The following ASTN2 variants were observed in gnomAD, a reference collection of about 807,000 sequenced individuals.
ASTN2 encodes astrotactin-2.
Under a neutral mutation model 139.8 loss-of-function variants are expected in ASTN2, and 54 were observed. That is an observed-to-expected ratio of 0.39 (90% confidence interval 0.31 to 0.48). The LOEUF is 0.48. Among genes scored for constraint, ASTN2 ranks in the 20% least tolerant of loss-of-function variants. ASTN2 has a pLI of 0.95. For missense variants in ASTN2, 1,565 were observed against 1,725.1 expected, an observed-to-expected ratio of 0.91 and a Z score of 1.64; for synonymous variants, 756 against 719.5, an observed-to-expected ratio of 1.05 and a Z score of -0.81.
intron 6 of ASTN2, among the ~76,000 whole-genome samples, chr9:117,011,751 A>G (rs1219707061): frequency 2.0e-5 from 3 of 152,222 alleles, no homozygotes; most frequent in African/African-American, 7.2e-5. Context: ...CCAATTGAAC[A>G]TGAGGTTCAG....
intron 20 of ASTN2, among the ~76,000 whole-genome samples, chr9:116,463,158 C>T (rs1848544285): frequency 6.6e-6 from 1 of 152,146 alleles, no homozygotes; most frequent in Admixed American, 6.6e-5. Flanking sequence ...TCCATTGCAA[C>T]TGCTCTAGTT....
intron 6 of ASTN2, among the ~76,000 whole-genome samples, chr9:117,039,166 T>C (rs775103764): frequency 2.6e-5 from 4 of 152,218 alleles, no homozygotes; most frequent in Non-Finnish European, 4.4e-5. Flanking sequence ...TTTTTAAAAC[T>C]TTATCGTTGC....
intron 16 of ASTN2, among the ~76,000 whole-genome samples, chr9:116,682,153 T>C (rs928483946): frequency 1.8e-4 from 27 of 152,022 alleles, no homozygotes; most frequent in African/African-American, 5.8e-4. Context: ...ATCCAGAATC[T>C]ACAATGAACT....
intron 19 of ASTN2, among the ~76,000 whole-genome samples, chr9:116,539,748 A>G (rs988765348): frequency 3.3e-5 from 5 of 152,246 alleles, no homozygotes; most frequent in African/African-American, 1.2e-4. Flanking sequence ...GCAAGATTTC[A>G]TCACACTGCT....
At chr9:117,410,375 T>C (rs1831127282) in intron 1 of ASTN2, among the ~76,000 whole-genome samples, 1 of 152,104 alleles carries the variant, frequency 6.6e-6, no homozygotes, top group African/African-American at 2.4e-5. Flanking sequence ...AATTCTTTCT[T>C]TTCTATCAGT....
chr9:116,910,937 A>G (rs1834293078), intron 10 of ASTN2, among the ~76,000 whole-genome samples: 1 of 152,172 alleles, frequency 6.6e-6, no homozygotes, highest in African/African-American at 2.4e-5. Flanking sequence ...GAGCAGCTCA[A>G]AGACGGCTTG....
At chr9:116,930,671 G>C (rs1308311372) in intron 10 of ASTN2, among the ~76,000 whole-genome samples, 6 of 152,104 alleles carry the variant, frequency 3.9e-5, no homozygotes, top group Admixed American at 2.0e-4. Context: ...CAAAGCAAAA[G>C]CTCAGTAGAA....
intron 1 of ASTN2, among the ~76,000 whole-genome samples, chr9:117,399,164 T>C (rs145806514): frequency 1.3e-5 from 2 of 152,330 alleles, no homozygotes; most frequent in East Asian, 3.9e-4. Context: ...AGAGAAATGA[T>C]GTTTAACTTA....
chr9:117,280,911 T>A (rs887342868), intron 2 of ASTN2, among the ~76,000 whole-genome samples: 1 of 152,184 alleles, frequency 6.6e-6, no homozygotes, highest in African/African-American at 2.4e-5. Context: ...GTGGATCTTG[T>A]CAGTAGTAAT....
intron 19 of ASTN2, among the ~76,000 whole-genome samples, chr9:116,587,179 A>G (rs1211988953): frequency 6.6e-6 from 1 of 151,924 alleles, no homozygotes; most frequent in African/African-American, 2.4e-5. Context: ...CATCTCTACT[A>G]AAAATACAAA....
chr9:116,910,359 C>G (rs1834277206), intron 10 of ASTN2, among the ~76,000 whole-genome samples: 2 of 152,234 alleles, frequency 1.3e-5, no homozygotes, highest in South Asian at 4.1e-4. Flanking sequence ...AGGGGACTGT[C>G]CCACGCGTGA....
At chr9:117,008,316 G>C in intron 6 of ASTN2, 57 bp from the exon 7 acceptor site, 3 of 1,459,912 alleles carry the variant, frequency 2.1e-6, no homozygotes, top group Non-Finnish European at 2.8e-6. Context: ...CTTAGCTGAT[G>C]CTACAGAACA....
intron 16 of ASTN2, among the ~76,000 whole-genome samples, chr9:116,714,156 G>T (rs555228361): frequency 6.6e-6 from 1 of 152,140 alleles, no homozygotes; most frequent in Non-Finnish European, 1.5e-5. Context: ...ATATAAGCTT[G>T]GTGTTCAGCT....
intron 19 of ASTN2, among the ~76,000 whole-genome samples, chr9:116,499,109 C>A (rs749137228): frequency 6.6e-6 from 1 of 152,164 alleles, no homozygotes; most frequent in African/African-American, 2.4e-5. Flanking sequence ...CTCAGTTATG[C>A]CCCACCAGAG....
chr9:116,551,680 A>C (rs1196404998), intron 19 of ASTN2, among the ~76,000 whole-genome samples: 1 of 152,086 alleles, frequency 6.6e-6, no homozygotes, highest in Non-Finnish European at 1.5e-5. Context: ...CACCCCCTAC[A>C]ACACAAACAC....
intron 10 of ASTN2, among the ~76,000 whole-genome samples, chr9:116,873,433 A>G (rs1372517580): frequency 6.6e-6 from 1 of 152,202 alleles, no homozygotes; most frequent in Non-Finnish European, 1.5e-5. Flanking sequence ...TCAGGAATGC[A>G]TACTGAGGAG....
At chr9:116,567,418 C>T (rs570326380) in intron 19 of ASTN2, among the ~76,000 whole-genome samples, 4 of 152,146 alleles carry the variant, frequency 2.6e-5, no homozygotes, top group East Asian at 1.9e-4. Flanking sequence ...CGGGGTGGGG[C>T]GCCAACAGCC....
chr9:116,733,312 G>A lies in ASTN2; in HGVS notation c.2521+87C>T, dbSNP rs532134095. 2.0e-5 allele frequency: 30 copies of A among 1,531,248 alleles called. No homozygotes were observed. In the African/African-American group the frequency reaches 3.1e-4, roughly 16 times the overall value. The allele number at this position is 1,531,248 out of a possible 1,614,324, so 94.9% of individuals were successfully genotyped here. ...GAGGAGGCTTGACAGAGCCCATCTT[G>A]GATCTGCTGAAGACTGATATGCACT... On this transcript the variant is annotated intron_variant, in intron 14 of 22. Coordinates refer to ENST00000313400, the MANE Select transcript of ASTN2 (RefSeq NM_001365068.1).
At chr9:116,541,665 A>G (rs1455569221) in intron 19 of ASTN2, among the ~76,000 whole-genome samples, 1 of 152,172 alleles carries the variant, frequency 6.6e-6, no homozygotes, top group East Asian at 1.9e-4. Context: ...GGAAGCAGAG[A>G]CAGAACAAGG....
Sources: gnomAD v4.1 joint callset for allele counts (sites outside exome capture counted in the v4.1 genomes callset) on GRCh38, gnomAD v4.1.1 for gene constraint, MANE v1.5 for transcripts, NCBI Gene and HGNC (gene_info 2026-07-23, HGNC 2026-07-21) for gene names.